The following TSPEAR variants were observed in gnomAD, a reference collection of about 807,000 sequenced individuals.
TSPEAR encodes thrombospondin type laminin G domain and EAR repeats, also known as thrombospondin-type laminin G domain and EAR repeat-containing protein.
In TSPEAR, 69 loss-of-function variants were observed where a neutral mutation model predicts 71.6. That is an observed-to-expected ratio of 0.96 (90% confidence interval 0.79 to 1.18). The LOEUF is 1.18. Among genes scored for constraint, TSPEAR ranks in the 50% most tolerant of loss-of-function variants. The pLI is 0.00. For missense variants in TSPEAR, 971 were observed against 894.9 expected (o/e 1.09, Z -1.09); for synonymous variants, 402 against 387.2 (o/e 1.04, Z -0.45).
chr21:44,695,083 T>A lies in TSPEAR; in HGVS notation c.82+16350A>T, dbSNP rs1416265640. Among the ~76,000 whole-genome samples, 1 of 152,198 alleles carries A rather than the reference T, an allele frequency of 6.6e-6. No individual in the cohort carries two copies. ...TGACCTCGGAGGTGTTTAACCCAGA[T>A]GTCCCCAGATCCTCTGGCCTTCTGA... On this transcript the variant is annotated intron_variant, in intron 1 of 11. Coordinates refer to ENST00000323084, the MANE Select transcript of TSPEAR (RefSeq NM_144991.3). This position sits in a 1 kb window ranked among gnomAD's most constrained non-coding sequence, Gnocchi z 4.5.
At chr21:44,585,079 G>A (rs190194131) in intron 1 of TSPEAR, among the ~76,000 whole-genome samples, 1 of 151,964 alleles carries the variant, frequency 6.6e-6, no homozygotes, top group South Asian at 2.1e-4. Flanking sequence ...GCGGATTTTT[G>A]TGGACATTTG....
intron 1 of TSPEAR, among the ~76,000 whole-genome samples, chr21:44,650,265 T>G (rs587688187): frequency 6.6e-6 from 1 of 152,010 alleles, no homozygotes; most frequent in Non-Finnish European, 1.5e-5. Context: ...TCCCTCATAC[T>G]GTAAACATGA....
chr21:44,601,276 T>C (rs376248539), intron 1 of TSPEAR: 28 of 1,609,056 alleles, frequency 1.7e-5, no homozygotes, highest in Non-Finnish European at 2.0e-5. Context: ...GCCGGCTTGC[T>C]GCACCTCCTC....
intron 1 of TSPEAR, among the ~76,000 whole-genome samples, chr21:44,709,292 G>A (rs537301891): frequency 2.0e-5 from 3 of 152,348 alleles, no homozygotes; most frequent in African/African-American, 7.2e-5. Flanking sequence ...CGGACCACAG[G>A]CTCCTTACAA....
At chr21:44,516,374 T>G (rs1263076194) in intron 9 of TSPEAR, 1 of 152,374 alleles carries the variant, frequency 6.6e-6, no homozygotes, top group Admixed American at 6.5e-5. Flanking sequence ...GCTTAGGGTC[T>G]GTGGCAACTG....
chr21:44,542,461 C>G (rs1240159834), intron 2 of TSPEAR, among the ~76,000 whole-genome samples: 3 of 152,024 alleles, frequency 2.0e-5, no homozygotes, highest in Admixed American at 1.3e-4. Flanking sequence ...ATTTAAGAAT[C>G]TTTAGGCCAG....
intron 1 of TSPEAR, among the ~76,000 whole-genome samples, chr21:44,670,400 C>A (rs1211713549): frequency 7.2e-5 from 11 of 152,080 alleles, no homozygotes; most frequent in African/African-American, 2.7e-4. Flanking sequence ...AATGGGACAT[C>A]TGAGAGAGAC....
intron 11 of TSPEAR, 24 bp from the exon 12 acceptor site, chr21:44,499,960 G>T (rs782290422): frequency 6.9e-6 from 11 of 1,585,786 alleles, no homozygotes; most frequent in Non-Finnish European, 9.4e-6. Flanking sequence ...AGCGGCAGCC[G>T]GGTCAGCCTG....
chr21:44,690,525 A>C, intron 1 of TSPEAR: 4 of 984,010 alleles, frequency 4.1e-6, no homozygotes, highest in Non-Finnish European at 4.8e-6. Context: ...CATCAGCAGC[A>C]CTGAAGGCTA....
chr21:44,707,691 G>T (rs1369286277), intron 1 of TSPEAR, among the ~76,000 whole-genome samples: 1 of 152,188 alleles, frequency 6.6e-6, no homozygotes, highest in African/African-American at 2.4e-5. Context: ...TGACCGCCTG[G>T]CTCGGAGCAG....
intron 1 of TSPEAR, among the ~76,000 whole-genome samples, chr21:44,581,600 C>T (rs1348453613): frequency 1.3e-5 from 2 of 152,270 alleles, no homozygotes; most frequent in African/African-American, 4.8e-5. Flanking sequence ...TGTTTCTATG[C>T]GTGTGCATTA....
intron 1 of TSPEAR, chr21:44,682,155 A>G (rs374045591): frequency 3.1e-4 from 493 of 1,605,490 alleles, no homozygotes; most frequent in Non-Finnish European, 4.0e-4. Flanking sequence ...GTCGAGGCAG[A>G]GGGCAGTGAT....
At chr21:44,702,938 A>C in intron 1 of TSPEAR, 4 of 522,038 alleles carry the variant, frequency 7.7e-6, no homozygotes, top group Non-Finnish European at 6.9e-6. Context: ...ATACCCTACA[A>C]CCACGGCTTA....
intron 1 of TSPEAR, chr21:44,601,325 A>T: frequency 6.2e-7 from 1 of 1,610,702 alleles, no homozygotes; most frequent in Non-Finnish European, 8.5e-7. Context: ...GTCTGCTGCA[A>T]GCCCGTCTGC....
chr21:44,517,576 C>T (rs1399619238), intron 9 of TSPEAR: 21 of 356,358 alleles, frequency 5.9e-5, no homozygotes, highest in Admixed American at 1.5e-4. Flanking sequence ...GGCCCATGGG[C>T]TGTGAGCACA....
intron 1 of TSPEAR, among the ~76,000 whole-genome samples, chr21:44,689,714 T>TGAATGA (rs374806505): frequency 3.7e-5 from 3 of 81,700 alleles, no homozygotes; most frequent in African/African-American, 5.8e-5. Context: ...ATAGAATGAA[T>TGAATGA]ATATATATAT....
chr21:44,676,326 A>G (rs1986311287), intron 1 of TSPEAR: 1 of 1,171,712 alleles, frequency 8.5e-7, no homozygotes. Flanking sequence ...TAAATTCATT[A>G]TCAGAACAGT....
chr21:44,676,214 G>A lies in TSPEAR; in HGVS notation c.82+35219C>T, dbSNP rs1316948222. The A allele has an allele frequency of 1.3e-5, 17 of 1,313,714 alleles. No individual in the cohort carries two copies. The East Asian group carries it at 2.1e-4, about 16-fold the overall frequency. 81.4% of individuals were successfully genotyped at this position (1,313,714 alleles called of 1,614,324 possible). ...GTTTAATCAATCATTGCTACCCTTC[G>A]GGCCAGTTTTTGAACAGCATAAAAG... On this transcript the variant is annotated intron_variant, in intron 1 of 11. Transcript: ENST00000323084.
intron 1 of TSPEAR, among the ~76,000 whole-genome samples, chr21:44,663,255 A>G (rs1159480626): frequency 1.3e-5 from 2 of 152,096 alleles, no homozygotes; most frequent in Admixed American, 6.5e-5. Flanking sequence ...CAAAATAGCA[A>G]TATTAGGAGT....
Sources: gnomAD v4.1 joint callset for allele counts (sites outside exome capture counted in the v4.1 genomes callset) on GRCh38, gnomAD v4.1.1 for gene constraint, Gnocchi (gnomAD v3.1) non-coding constraint, MANE v1.5 for transcripts, NCBI Gene and HGNC (gene_info 2026-07-23, HGNC 2026-07-21) for gene names.